Variants in RBMS3 observed in about 807,000 individuals in gnomAD.
RBMS3 encodes the protein RNA-binding motif, single-stranded-interacting protein 3.
Under a neutral mutation model 66.8 loss-of-function variants are expected in RBMS3, and 27 were observed. The observed-to-expected ratio is 0.40, with a 90% CI of 0.30 to 0.56. The LOEUF is 0.56. RBMS3 is among the 20% of genes least tolerant of loss of function. The pLI, the probability that RBMS3 is intolerant of heterozygous loss-of-function variation, is 0.40. For missense variants in RBMS3, 513 were observed against 549.5 expected (o/e 0.93, Z 0.66); for synonymous variants, 188 against 183.0 (o/e 1.03, Z -0.22).
At position 30,006,766 on chromosome 3, in the gene RBMS3, A is replaced by T. The variant is rs1158163151; in HGVS notation, c.*2904A>T. 6.6e-6 allele frequency: 1 copy of T among 152,054 alleles called. No individual in the cohort carries two copies. The highest frequency in any genetic ancestry group is 1.5e-5 in the Non-Finnish European group (1 of 67,950). The allele number at this position is 152,054 out of a possible 1,614,324, so 9.4% of individuals were successfully genotyped here. On this transcript the variant is annotated 3_prime_UTR_variant, in exon 15 of 15. Transcript: ENST00000383767. ...AAAAACATGTATTAATGTGATACAAAGAAAGTCTCATTCACACAATCAACA... is the reference window on the plus strand; with the variant it reads ...AAAAACATGTATTAATGTGATACAATGAAAGTCTCATTCACACAATCAACA...
At chr3:29,967,704 T>C (rs1391070000) in intron 12 of RBMS3, among the ~76,000 whole-genome samples, 2 of 152,246 alleles carry the variant, frequency 1.3e-5, no homozygotes, top group Admixed American at 1.3e-4. Context: ...AGGAGGGTTG[T>C]ATTTTTCCAG....
intron 1 of RBMS3, among the ~76,000 whole-genome samples, chr3:29,325,514 A>ATATG (rs143767201): frequency 0.13 from 19,994 of 149,628 alleles, 1,382 homozygotes; most frequent in Middle Eastern, 0.16. Flanking sequence ...ATATATATAT[A>ATATG]TGTGTGTGTG....
chr3:29,533,702 G>A (rs1171416883), intron 3 of RBMS3, among the ~76,000 whole-genome samples: 5 of 151,450 alleles, frequency 3.3e-5, no homozygotes, highest in Non-Finnish European at 5.9e-5. Context: ...ACTTGAACTC[G>A]GGAGGTGGAG....
chr3:29,394,661 C>T (rs1351429729), intron 1 of RBMS3, among the ~76,000 whole-genome samples: 1 of 152,206 alleles, frequency 6.6e-6, no homozygotes, highest in Non-Finnish European at 1.5e-5. Context: ...TTCTTTGCCG[C>T]AGCTTCAGCC....
At chr3:29,893,019 T>G (rs762716796) in intron 8 of RBMS3, among the ~76,000 whole-genome samples, 7 of 151,486 alleles carry the variant, frequency 4.6e-5, no homozygotes, top group East Asian at 2.0e-4. Flanking sequence ...AAGCCTCAGA[T>G]GCAACAGTAG....
intron 1 of RBMS3, among the ~76,000 whole-genome samples, chr3:29,318,449 G>T (rs961625580): frequency 2.0e-4 from 30 of 151,786 alleles, no homozygotes; most frequent in Admixed American, 4.6e-4. Context: ...GCCTTATTTG[G>T]TATCTGGCTA....
chr3:29,967,218 G>C (rs1221792172), intron 12 of RBMS3, among the ~76,000 whole-genome samples: 1 of 152,136 alleles, frequency 6.6e-6, no homozygotes, highest in Non-Finnish European at 1.5e-5. Flanking sequence ...GAATGAATTA[G>C]GGAGGTTCCT....
chr3:29,395,548 A>C (rs527328045), intron 1 of RBMS3, among the ~76,000 whole-genome samples: 1 of 152,210 alleles, frequency 6.6e-6, no homozygotes, highest in South Asian at 2.1e-4. Context: ...CATCATTGTC[A>C]TTAGAGCTAC....
intron 12 of RBMS3, among the ~76,000 whole-genome samples, chr3:29,981,404 A>G (rs1261258645): frequency 6.6e-6 from 1 of 152,064 alleles, no homozygotes; most frequent in Non-Finnish European, 1.5e-5. Flanking sequence ...CTCTCTTCCT[A>G]TTTGAATGCC....
chr3:29,797,131 C>G (rs2057228492), intron 6 of RBMS3, among the ~76,000 whole-genome samples: 1 of 152,176 alleles, frequency 6.6e-6, no homozygotes, highest in Non-Finnish European at 1.5e-5. Context: ...TAGATGGCAT[C>G]TTCTTCCAAT....
intron 6 of RBMS3, among the ~76,000 whole-genome samples, chr3:29,832,324 A>T (rs1219346124): frequency 6.6e-6 from 1 of 152,128 alleles, no homozygotes; most frequent in East Asian, 1.9e-4. Flanking sequence ...ATAAAGCACT[A>T]ATAATTAGAG....
chr3:29,953,140 T>C (rs911251355), intron 12 of RBMS3, among the ~76,000 whole-genome samples: 1 of 151,860 alleles, frequency 6.6e-6, no homozygotes, highest in African/African-American at 2.4e-5. Context: ...AATATGACTT[T>C]GGGAAGGGTG....
chr3:29,552,433 C>T (rs920580402), intron 3 of RBMS3, among the ~76,000 whole-genome samples: 3 of 152,060 alleles, frequency 2.0e-5, no homozygotes, highest in East Asian at 1.9e-4. Context: ...GAATCTTCCC[C>T]GCAGCCTGAC....
chr3:29,377,141 A>G (rs369326767), intron 1 of RBMS3, among the ~76,000 whole-genome samples: 19 of 151,898 alleles, frequency 1.3e-4, no homozygotes, highest in African/African-American at 4.3e-4. Flanking sequence ...ATGTAATGCT[A>G]TTTGCTAAAG....
intron 2 of RBMS3, among the ~76,000 whole-genome samples, chr3:29,470,503 CT>C (rs2042688762): frequency 1.3e-5 from 2 of 151,974 alleles, no homozygotes; most frequent in African/African-American, 4.8e-5. Flanking sequence ...AGGAAGAAGT[CT>C]TTCTATAAGC....
At chr3:29,646,540 A>AT (rs2149205388) in intron 4 of RBMS3, among the ~76,000 whole-genome samples, 1 of 152,296 alleles carries the variant, frequency 6.6e-6, no homozygotes, top group South Asian at 2.1e-4. Flanking sequence ...ACTACCGTTA[A>AT]TATGTTACCT....
At chr3:29,930,557 G>C (rs1284087628) in intron 10 of RBMS3, among the ~76,000 whole-genome samples, 1 of 151,962 alleles carries the variant, frequency 6.6e-6, no homozygotes, top group Non-Finnish European at 1.5e-5. Flanking sequence ...TTGTCGTGGG[G>C]AACTGTTCTC....
intron 5 of RBMS3, among the ~76,000 whole-genome samples, chr3:29,754,573 G>A (rs1044515430): frequency 3.9e-5 from 6 of 152,152 alleles, no homozygotes; most frequent in African/African-American, 1.4e-4. Context: ...AGCAAAGCAA[G>A]GGAGATCACT....
chr3:29,451,297 A>G (rs190080016), intron 2 of RBMS3, among the ~76,000 whole-genome samples: 1 of 152,360 alleles, frequency 6.6e-6, no homozygotes, highest in East Asian at 1.9e-4. Flanking sequence ...GCTGAACCAA[A>G]TAGTTGAAAG....
Sources: allele counts gnomAD v4.1 joint callset (sites outside exome capture counted in the v4.1 genomes callset), GRCh38; gene constraint gnomAD v4.1.1; transcripts MANE v1.5; gene names NCBI Gene and HGNC (gene_info 2026-07-23, HGNC 2026-07-21).